FRYL: variants seen among roughly 807,000 people sequenced by gnomAD.
FRYL encodes the protein FRY like transcription coactivator.
Under a neutral mutation model 351.2 loss-of-function variants are expected in FRYL, and 150 were observed. That is an observed-to-expected ratio of 0.43 (90% CI 0.37 to 0.49). The LOEUF is 0.49. Ranked by LOEUF, FRYL falls within the 20% of genes least tolerant of loss-of-function variation. The pLI, the probability that FRYL is intolerant of heterozygous loss-of-function variation, is 0.00. For missense variants in FRYL, 3,036 were observed against 3,619.3 expected (o/e 0.84, Z 4.13); for synonymous variants, 1,153 against 1,257.1 (o/e 0.92, Z 1.75).
intron 49 of FRYL, among the ~76,000 whole-genome samples, chr4:48,533,603 T>A (rs1728182234): frequency 6.6e-6 from 1 of 152,188 alleles, no homozygotes; most frequent in Admixed American, 6.5e-5. Flanking sequence ...AACATATTAA[T>A]CTATTAAGGT....
intron 3 of FRYL, among the ~76,000 whole-genome samples, chr4:48,649,087 G>A (rs913615173): frequency 3.9e-5 from 6 of 152,096 alleles, no homozygotes; most frequent in Non-Finnish European, 8.8e-5. Flanking sequence ...ACACAGATAC[G>A]TGTGCAAAGA....
intron 1 of FRYL, among the ~76,000 whole-genome samples, chr4:48,730,739 C>T (rs1770631773): frequency 6.6e-6 from 1 of 152,052 alleles, no homozygotes; most frequent in Non-Finnish European, 1.5e-5. Context: ...AATCACTAAA[C>T]ACTAAATACC....
At chr4:48,585,832 C>T (rs1052124648) in intron 19 of FRYL, among the ~76,000 whole-genome samples, 6 of 152,128 alleles carry the variant, frequency 3.9e-5, no homozygotes, top group Non-Finnish European at 5.9e-5. Context: ...ATGTTAGAAA[C>T]CTTTAAATTA....
intron 55 of FRYL, among the ~76,000 whole-genome samples, chr4:48,518,002 CAG>C (rs1244137164): frequency 6.6e-6 from 1 of 152,124 alleles, no homozygotes; most frequent in Non-Finnish European, 1.5e-5. Flanking sequence ...TTTGGCAAAA[CAG>C]AGAAAAACAA....
intron 3 of FRYL, among the ~76,000 whole-genome samples, chr4:48,647,320 CAG>C (rs1756703464): frequency 6.6e-6 from 1 of 152,038 alleles, no homozygotes; most frequent in African/African-American, 2.4e-5. Flanking sequence ...ACAGCAGGTA[CAG>C]AGAAAGGTCA....
In FRYL at chr4:48,541,850, T is replaced by C. The variant is rs112854163; in HGVS notation, c.5687+177A>G. Among the ~76,000 whole-genome samples the C allele has an allele frequency of 4.5e-3, 684 of 152,318 alleles. 5 individuals are homozygous for C. Among genetic ancestry groups the C allele is most frequent in the African/African-American group, 0.015 (635 of 41,586 alleles). On this transcript the variant is annotated intron_variant, in intron 45 of 63. Coordinates refer to ENST00000358350, the MANE Select transcript of FRYL (RefSeq NM_015030.2). ...TAGAAGAAGAACAGCACTGCTAAAA[T>C]CAGCACTTGGATTTTTCACAAGTCC...
In FRYL at chr4:48,579,271, C is replaced by T. The variant is rs755438026; in HGVS notation, c.2260-30G>A. On this transcript the variant is annotated intron_variant, in intron 22 of 63. Transcript: ENST00000358350. ...ATGGAGAGGAAAAAATTGATTATTACACATTTCAATAACTTTGAAATTTTA... is the reference window on the plus strand; with the variant it reads ...ATGGAGAGGAAAAAATTGATTATTATACATTTCAATAACTTTGAAATTTTA... 3.2e-6 allele frequency: 5 copies of T among 1,539,360 alleles called. No homozygotes were observed. In the African/African-American group the frequency reaches 5.6e-5, roughly 17 times the overall value.
chr4:48,550,159 T>C (rs566559049), intron 38 of FRYL, among the ~76,000 whole-genome samples: 1 of 152,338 alleles, frequency 6.6e-6, no homozygotes, highest in South Asian at 2.1e-4. Context: ...TCATCTTCAG[T>C]GTCCCTTCCC....
chr4:48,775,300 T>C (rs57797824), intron 1 of FRYL, among the ~76,000 whole-genome samples: 62,927 of 152,180 alleles, frequency 0.41, 14,323 homozygotes, highest in Admixed American at 0.56. Flanking sequence ...TGTTCCACTC[T>C]GCACTGGTCT....
rs189273370 is a variant in FRYL, at chr4:48,530,292, C to G, written c.6903+864G>C. Among the ~76,000 whole-genome samples, 262 of 152,226 alleles carry G rather than the reference C, an allele frequency of 1.7e-3. 1 individual carries two copies. The highest frequency in any genetic ancestry group is 5.9e-3 in the African/African-American group (245 of 41,546). ...CTCTTCCCCACTTTCCCATTAAATC[C>G]CATCAGTTACTTCCTTGGTCTTTTT... is the stretch of plus-strand genomic sequence containing the variant. On this transcript the variant is annotated intron_variant, in intron 50 of 63. Coordinates refer to ENST00000358350, the MANE Select transcript of FRYL (RefSeq NM_015030.2).
At chr4:48,712,233 G>C (rs1338133192) in intron 1 of FRYL, among the ~76,000 whole-genome samples, 3 of 152,208 alleles carry the variant, frequency 2.0e-5, no homozygotes, top group Admixed American at 2.0e-4. Context: ...ACTTTGACGA[G>C]TTGAGAGAAG....
At chr4:48,528,882 C>A (rs1359374203) in intron 50 of FRYL, among the ~76,000 whole-genome samples, 1 of 152,080 alleles carries the variant, frequency 6.6e-6, no homozygotes, top group Admixed American at 6.6e-5. Flanking sequence ...AGTAAAAATT[C>A]TATGATAATC....
At chr4:48,700,636 T>C (rs1382326684) in intron 2 of FRYL, among the ~76,000 whole-genome samples, 1 of 150,246 alleles carries the variant, frequency 6.7e-6, no homozygotes, top group Non-Finnish European at 1.5e-5. Context: ...ACCCCATCTC[T>C]AAAAAAAATC....
At chr4:48,603,958 C>A (rs1373595003) in intron 11 of FRYL, among the ~76,000 whole-genome samples, 2 of 152,160 alleles carry the variant, frequency 1.3e-5, no homozygotes, top group Non-Finnish European at 2.9e-5. Context: ...CCAACTCTTT[C>A]GATGTGGTGG....
At chr4:48,565,984 G>A (rs1335778267) in intron 28 of FRYL, among the ~76,000 whole-genome samples, 3 of 152,190 alleles carry the variant, frequency 2.0e-5, no homozygotes, top group African/African-American at 4.8e-5. Context: ...GTGGGGCCAG[G>A]AGTCCATTTC....
chr4:48,534,454 ATTC>A, intron 49 of FRYL, 88 bp downstream of exon 49: 1 of 980,572 alleles, frequency 1.0e-6, no homozygotes, highest in South Asian at 1.5e-5. Flanking sequence ...CCACTTCCCC[ATTC>A]TTCGACATTT....
At chr4:48,513,267 C>T (rs1031383863) in intron 56 of FRYL, among the ~76,000 whole-genome samples, 1 of 152,184 alleles carries the variant, frequency 6.6e-6, no homozygotes, top group Admixed American at 6.5e-5. Flanking sequence ...GAACCCAGGA[C>T]TACGGGTCCA....
At chr4:48,500,309 C>T (rs1719263536) in intron 62 of FRYL, 89 bp from the exon 63 acceptor site, 2 of 698,266 alleles carry the variant, frequency 2.9e-6, no homozygotes, top group East Asian at 5.9e-5. Flanking sequence ...ATGGCAGTAG[C>T]ATTGTTGCTC....
intron 3 of FRYL, among the ~76,000 whole-genome samples, chr4:48,650,817 C>A (rs1757463099): frequency 6.6e-6 from 1 of 152,058 alleles, no homozygotes; most frequent in Admixed American, 6.5e-5. Flanking sequence ...TGGCAATATT[C>A]CAGGTGATGA....
Sources: allele counts gnomAD v4.1 joint callset (sites outside exome capture counted in the v4.1 genomes callset), GRCh38; gene constraint gnomAD v4.1.1; transcripts MANE v1.5; gene names NCBI Gene and HGNC (gene_info 2026-07-23, HGNC 2026-07-21).